Variants in SLIT3 observed in about 807,000 individuals in gnomAD.
The protein encoded by SLIT3 is slit guidance ligand 3, also known as slit homolog 3 protein.
SLIT3 carries 68 observed loss-of-function variants against 184.0 expected under a neutral mutation model. The ratio of observed to expected loss-of-function variants is 0.37; its 90% confidence interval spans 0.30 to 0.45. The LOEUF (loss-of-function observed/expected upper bound fraction) is 0.45, where lower values mean the gene tolerates loss of function less well. SLIT3 is among the 20% of genes least tolerant of loss of function. The pLI, the probability that SLIT3 is intolerant of heterozygous loss-of-function variation, is 1.00. For synonymous variants in SLIT3, 831 were observed against 828.6 expected, an observed-to-expected ratio of 1.00 and a Z score of -0.05; for missense variants, 1,707 against 2,026.0, an observed-to-expected ratio of 0.84 and a Z score of 3.02.
At chr5:168,767,221 C>T (rs569812653) in intron 14 of SLIT3, among the ~76,000 whole-genome samples, 30 of 152,280 alleles carry the variant, frequency 2.0e-4, no homozygotes, top group East Asian at 5.8e-4. Context: ...CTCAGATAGA[C>T]GAGGTAATAA....
At chr5:168,762,168 T>C (rs1270959585) in intron 15 of SLIT3, among the ~76,000 whole-genome samples, 2 of 152,146 alleles carry the variant, frequency 1.3e-5, no homozygotes, top group African/African-American at 2.4e-5. Context: ...TCATTCTAGT[T>C]GTTTTCTCAC....
At chr5:168,797,969 G>A (rs1756625470) in intron 9 of SLIT3, among the ~76,000 whole-genome samples, 1 of 152,096 alleles carries the variant, frequency 6.6e-6, no homozygotes, top group African/African-American at 2.4e-5. Flanking sequence ...AGGACCCCAG[G>A]GCTCACACAC....
In SLIT3 at chr5:168,708,059, G is replaced by A. The variant is rs774614183; in HGVS notation, c.2761C>T (p.Leu921Phe). 2.5e-6 allele frequency: 4 copies of A among 1,614,226 alleles called. No homozygotes were observed. The South Asian group carries it at 4.4e-5, about 18-fold the overall frequency. ...INIVAKCNAC[L>F]SSPCKNNGTC... ...CCGTTATTCTTGCACGGGCTGGAGA[G>A]GCAGGCATTGCATTTGGCCACAATG... is the stretch of plus-strand genomic sequence containing the variant. The change falls in exon 26 of 36, where the codon CTC becomes TTC. Residue 921 changes from leucine (L) to phenylalanine (F), a missense_variant. Around this residue, in one of 3 missense-constraint regions of SLIT3, gnomAD observed 1,307 missense variants for 1,511.6 expected, o/e 0.86. Coordinates refer to ENST00000519560, the MANE Select transcript of SLIT3 (RefSeq NM_003062.4).
chr5:168,806,473 G>C lies in SLIT3; in HGVS notation c.908C>G (p.Ala303Gly), dbSNP rs1485539236. The C allele has an allele frequency of 6.2e-6, 10 of 1,614,088 alleles. No individual in the cohort carries two copies. In the East Asian group the frequency reaches 2.0e-4, roughly 32 times the overall value. ...TTCGACGATGCCCTCCGGCAAGTTG[G>C]CAGGAATCTCCATCAAGCCCTTTCC... is the stretch of plus-strand genomic sequence containing the variant. The part of the protein sequence containing the change: ...CRGKGLMEIP[A>G]NLPEGIVEIR... Residue 303 changes from alanine (A) to glycine (G), a missense_variant, in exon 9 of 36, where the codon GCC becomes GGC. This residue lies in a region of SLIT3 where 1,307 missense variants were observed against 1,511.6 expected (regional missense o/e 0.86). Transcript: ENST00000519560.
intron 32 of SLIT3, among the ~76,000 whole-genome samples, chr5:168,676,459 T>C (rs769121866): frequency 6.6e-6 from 1 of 152,164 alleles, no homozygotes; most frequent in Non-Finnish European, 1.5e-5. Context: ...AAAAGCCCTA[T>C]GAAGGTAGAG....
At chr5:168,902,245 G>A (rs562804402) in intron 4 of SLIT3, among the ~76,000 whole-genome samples, 64 of 152,236 alleles carry the variant, frequency 4.2e-4, no homozygotes, top group Non-Finnish European at 7.5e-4. Flanking sequence ...AAATATTAAC[G>A]AACATTTGTT....
intron 4 of SLIT3, among the ~76,000 whole-genome samples, chr5:169,015,532 C>A (rs1756330462): frequency 6.6e-6 from 1 of 152,150 alleles, no homozygotes; most frequent in Non-Finnish European, 1.5e-5. Context: ...TAACTTTGCA[C>A]AATTAACTTC....
intron 4 of SLIT3, among the ~76,000 whole-genome samples, chr5:169,166,350 C>T (rs778184159): frequency 2.6e-5 from 4 of 152,130 alleles, no homozygotes; most frequent in Non-Finnish European, 4.4e-5. Context: ...CATTTAGCAG[C>T]GGGCACATCA....
chr5:169,116,918 G>A (rs1760688165), intron 4 of SLIT3, among the ~76,000 whole-genome samples: 2 of 152,214 alleles, frequency 1.3e-5, no homozygotes, highest in Non-Finnish European at 2.9e-5. Flanking sequence ...CCCTAGGCCA[G>A]CCTCAAAGTC....
In SLIT3 at chr5:169,220,885, A is replaced by G. The variant is rs568550514; in HGVS notation, c.341+23820T>C. On this transcript the variant is annotated intron_variant, in intron 3 of 35. Transcript: ENST00000519560. The stretch of plus-strand genomic sequence containing the variant: ...TCCTTCAGGTCACTCGATCTATACA[A>G]TCCTACTACCCCCCAACTTCTCCCT... 1.1e-4 allele frequency among the ~76,000 whole-genome samples: 16 copies of G among 152,172 alleles called. No individual in the cohort carries two copies. In the South Asian group the frequency reaches 1.9e-3, roughly 18 times the overall value.
intron 1 of SLIT3, among the ~76,000 whole-genome samples, chr5:169,275,619 C>G (rs769922992): frequency 2.6e-5 from 4 of 152,130 alleles, no homozygotes; most frequent in Non-Finnish European, 4.4e-5. Context: ...AAAGGCACTT[C>G]TTATATGACA....
chr5:168,803,560 G>A (rs781089818), intron 9 of SLIT3, among the ~76,000 whole-genome samples: 4 of 152,174 alleles, frequency 2.6e-5, no homozygotes, highest in Non-Finnish European at 5.9e-5. Flanking sequence ...GTGTATCCAC[G>A]AGGTCCAAAC....
chr5:168,666,759 T>G, intron 35 of SLIT3, 70 bp from the exon 36 acceptor site: 3 of 1,607,098 alleles, frequency 1.9e-6, no homozygotes, highest in Non-Finnish European at 2.5e-6. Flanking sequence ...AGTTCCCAGG[T>G]AGGCTGCTTT....
At chr5:168,831,308 G>A in intron 6 of SLIT3, among the ~76,000 whole-genome samples, 1 of 151,998 alleles carries the variant, frequency 6.6e-6, no homozygotes. Context: ...GATTGGTGGG[G>A]GTGGGGGAGA....
chr5:168,823,845 C>A (rs769214013), intron 6 of SLIT3, among the ~76,000 whole-genome samples: 3 of 152,252 alleles, frequency 2.0e-5, no homozygotes, highest in Non-Finnish European at 4.4e-5. Flanking sequence ...CACTACCTTG[C>A]TGCATTCTCC....
chr5:169,189,527 G>GAT lies in SLIT3; in HGVS notation c.413+3950_413+3951dup, dbSNP rs4042723. 5.5e-3 allele frequency among the ~76,000 whole-genome samples: 442 copies of GAT among 80,014 alleles called. 3 individuals are homozygous for GAT. The highest frequency in any genetic ancestry group is 9.4e-3 in the Middle Eastern group (1 of 106). 52.5% of individuals were successfully genotyped at this position (80,014 alleles called of 152,430 possible). A position where few individuals can be genotyped will look rare whatever the true frequency, so the allele number is the denominator to read the frequency against. On this transcript the variant is annotated intron_variant, in intron 4 of 35. Coordinates refer to ENST00000519560, the MANE Select transcript of SLIT3 (RefSeq NM_003062.4). ...ACAGTACTGCTTCTTAGATAGATGG[G>GAT]ATATATATATATATATATATATATA...
chr5:169,064,593 A>G (rs963451752), intron 4 of SLIT3, among the ~76,000 whole-genome samples: 1 of 152,176 alleles, frequency 6.6e-6, no homozygotes, highest in Non-Finnish European at 1.5e-5. Flanking sequence ...TCTGCTGCCA[A>G]ATTTCACACA....
At chr5:169,020,104 C>T (rs1756541790) in intron 4 of SLIT3, among the ~76,000 whole-genome samples, 1 of 151,680 alleles carries the variant, frequency 6.6e-6, no homozygotes, top group African/African-American at 2.4e-5. Context: ...AGTATCATGG[C>T]AGAGGTGAGT....
chr5:168,852,529 G>A (rs1303445739), intron 5 of SLIT3, among the ~76,000 whole-genome samples: 3 of 152,332 alleles, frequency 2.0e-5, no homozygotes, highest in Middle Eastern at 3.4e-3. Flanking sequence ...ACTCAGGGTC[G>A]AGGACACAAA....
Sources: allele counts gnomAD v4.1 joint callset (sites outside exome capture counted in the v4.1 genomes callset), GRCh38; gene constraint gnomAD v4.1.1; regional missense constraint gnomAD v4.1.1; transcripts MANE v1.5; gene names NCBI Gene and HGNC (gene_info 2026-07-23, HGNC 2026-07-21).